ERBIN: variants seen among roughly 807,000 people sequenced by gnomAD.
ERBIN encodes the protein erbb2 interacting protein.
A neutral mutation model predicts 158.4 loss-of-function variants in ERBIN; 60 were observed. That is an observed-to-expected ratio of 0.38 (90% CI 0.31 to 0.47). The LOEUF (loss-of-function observed/expected upper bound fraction) is 0.47, where lower values mean the gene tolerates loss of function less well. ERBIN is among the 20% of genes least tolerant of loss of function. The pLI, the probability that ERBIN is intolerant of heterozygous loss-of-function variation, is 0.99. For synonymous variants in ERBIN, 594 were observed against 557.2 expected (o/e 1.07, Z -0.93); for missense variants, 1,610 against 1,648.0 (o/e 0.98, Z 0.40).
At chr5:66,010,552 A>G (rs932832960) in intron 4 of ERBIN, among the ~76,000 whole-genome samples, 16 of 152,222 alleles carry the variant, frequency 1.1e-4, no homozygotes, top group South Asian at 8.3e-4. Flanking sequence ...ATGAGTTTTG[A>G]CTGAAACAGT....
intron 15 of ERBIN, among the ~76,000 whole-genome samples, chr5:66,041,085 G>A (rs539690999): frequency 2.3e-4 from 35 of 152,062 alleles, no homozygotes; most frequent in South Asian, 6.2e-4. Context: ...GCCTCTGGAA[G>A]TTGGGGTAAG....
chr5:65,927,915 T>A (rs751721745), intron 1 of ERBIN, among the ~76,000 whole-genome samples: 1 of 152,154 alleles, frequency 6.6e-6, no homozygotes, highest in South Asian at 2.1e-4. Context: ...TTTTTCCCGG[T>A]ATTTTTGCGG....
At chr5:65,961,012 C>T (rs1392515743) in intron 1 of ERBIN, among the ~76,000 whole-genome samples, 1 of 152,116 alleles carries the variant, frequency 6.6e-6, no homozygotes, top group Non-Finnish European at 1.5e-5. Flanking sequence ...TGTCTTAATT[C>T]CCTAAACCTC....
chr5:66,014,799 T>C, intron 7 of ERBIN, 74 bp downstream of exon 7: 1 of 691,256 alleles, frequency 1.4e-6, no homozygotes, highest in Non-Finnish European at 2.3e-6. Flanking sequence ...AATGTAAATT[T>C]TTATTACCTA....
At position 66,053,748 on chromosome 5, in the gene ERBIN, A is replaced by T; in HGVS notation, c.2430A>T (p.Gly810=). The change falls in exon 21 of 26, where the codon GGA becomes GGT. Residue 810 remains glycine (G), a synonymous_variant. Coordinates refer to ENST00000284037, the MANE Select transcript of ERBIN (RefSeq NM_001253697.2). Reference sequence around the variant, plus strand: ...AGGAAACTGAGCACTTGGAAAATGGAAACAAGTATCCTAATTTGGAATCCG... The same window carrying T: ...AGGAAACTGAGCACTTGGAAAATGGTAACAAGTATCCTAATTTGGAATCCG... ...SKEETEHLEN[G]NKYPNLESVN... is the part of the protein sequence containing the mutation. The T allele has an allele frequency of 6.2e-7, 1 of 1,613,812 alleles. No individual in the cohort carries two copies. The highest frequency in any genetic ancestry group is 8.5e-7 in the Non-Finnish European group (1 of 1,179,980).
intron 21 of ERBIN, among the ~76,000 whole-genome samples, chr5:66,061,913 G>A (rs1760421073): frequency 6.6e-6 from 1 of 152,232 alleles, no homozygotes; most frequent in Non-Finnish European, 1.5e-5. Context: ...CAAGAGATCA[G>A]CTGTTAGTCT....
At chr5:66,038,117 G>A (rs908953439) in intron 14 of ERBIN, among the ~76,000 whole-genome samples, 1 of 152,112 alleles carries the variant, frequency 6.6e-6, no homozygotes, top group East Asian at 1.9e-4. Flanking sequence ...CTTAGTATAT[G>A]AAATCTTTTA....
intron 6 of ERBIN, 119 bp from the exon 7 acceptor site, chr5:66,014,550 T>C (rs1006124151): frequency 9.8e-5 from 50 of 512,646 alleles, no homozygotes; most frequent in Non-Finnish European, 1.6e-4. Context: ...TTTAATATAT[T>C]ACTTTGCAAT....
chr5:66,065,613 G>A (rs146148111), intron 21 of ERBIN, among the ~76,000 whole-genome samples: 19 of 88,622 alleles, frequency 2.1e-4, no homozygotes, highest in African/African-American at 1.8e-3. Flanking sequence ...GTGTGTGTGT[G>A]TGTGTGTGTG....
chr5:66,037,052 A>G (rs1561407370), intron 14 of ERBIN, among the ~76,000 whole-genome samples: 3 of 152,192 alleles, frequency 2.0e-5, no homozygotes, highest in Non-Finnish European at 4.4e-5. Flanking sequence ...CAACAGTTTT[A>G]GAAGATTTTC....
Position 66,018,487 on chromosome 5 carries a change from T to TAATA in ERBIN, c.534-2835_534-2834insAATA, listed in dbSNP as rs1554058775. 4.6e-4 allele frequency among the ~76,000 whole-genome samples: 3 copies of TAATA among 6,582 alleles called. 1 individual carries two copies. The highest frequency in any genetic ancestry group is 2.4e-3 in the African/African-American group (3 of 1,256). 4.3% of individuals were successfully genotyped at this position (6,582 alleles called of 152,430 possible). On this transcript the variant is annotated intron_variant, in intron 7 of 25. Coordinates refer to ENST00000284037, the MANE Select transcript of ERBIN (RefSeq NM_001253697.2). ...TATAATATATATTATATATTATATATTATATTATATAATATATATTATATA... is the reference window on the plus strand; with the variant it reads ...TATAATATATATTATATATTATATATAATATATATTATATAATATATATTATATA...
chr5:65,958,143 GC>G (rs1197334373), intron 1 of ERBIN, among the ~76,000 whole-genome samples: 1 of 151,746 alleles, frequency 6.6e-6, no homozygotes, highest in Non-Finnish European at 1.5e-5. Flanking sequence ...AGACTGGGCA[GC>G]CGGGCAGAGG....
At chr5:65,952,965 A>AT (rs1746693223) in intron 1 of ERBIN, among the ~76,000 whole-genome samples, 1 of 152,210 alleles carries the variant, frequency 6.6e-6, no homozygotes. Flanking sequence ...CCAAAAAAAA[A>AT]GTTTCGTCCT....
chr5:66,035,395 G>A (rs936307268), intron 14 of ERBIN, among the ~76,000 whole-genome samples: 1 of 152,168 alleles, frequency 6.6e-6, no homozygotes, highest in African/African-American at 2.4e-5. Flanking sequence ...ATACTTGATG[G>A]AGGCAGAGGC....
chr5:66,066,615 CA>C (rs1761030954), intron 21 of ERBIN, among the ~76,000 whole-genome samples: 1 of 151,300 alleles, frequency 6.6e-6, no homozygotes, highest in Admixed American at 6.6e-5. Context: ...AATTAATAAG[CA>C]AAATTTGAAA....
intron 5 of ERBIN, 72 bp from the exon 6 acceptor site, chr5:66,013,477 G>T: frequency 9.5e-7 from 1 of 1,055,856 alleles, no homozygotes; most frequent in South Asian, 1.3e-5. Flanking sequence ...AATATCTTGT[G>T]AGAGTCTTAG....
At chr5:65,935,479 T>A (rs1355043315) in intron 1 of ERBIN, among the ~76,000 whole-genome samples, 3 of 152,226 alleles carry the variant, frequency 2.0e-5, no homozygotes, top group African/African-American at 7.2e-5. Context: ...CAGAAGTGTC[T>A]GCAGTCCAAT....
At chr5:66,039,190 A>T (rs913303312) in intron 15 of ERBIN, among the ~76,000 whole-genome samples, 5 of 151,996 alleles carry the variant, frequency 3.3e-5, no homozygotes, top group Non-Finnish European at 7.4e-5. Context: ...CATTTCAATC[A>T]TAAGTCTTAA....
At chr5:66,057,553 C>A (rs1030320476) in intron 21 of ERBIN, among the ~76,000 whole-genome samples, 1 of 151,688 alleles carries the variant, frequency 6.6e-6, no homozygotes, top group Non-Finnish European at 1.5e-5. Context: ...AAGATTAAGG[C>A]TTTTTTTATT....
Sources: gnomAD v4.1 joint callset for allele counts (sites outside exome capture counted in the v4.1 genomes callset) on GRCh38, gnomAD v4.1.1 for gene constraint, MANE v1.5 for transcripts, NCBI Gene and HGNC (gene_info 2026-07-23, HGNC 2026-07-21) for gene names.